RIC1: variants seen among roughly 807,000 people sequenced by gnomAD.
RIC1 encodes the protein guanine nucleotide exchange factor subunit RIC1.
RIC1 carries 88 observed loss-of-function variants against 169.0 expected under a neutral mutation model. That is an observed-to-expected ratio of 0.52 (90% CI 0.44 to 0.62). RIC1 has a LOEUF of 0.62. Ranked by LOEUF, RIC1 falls within the 20% of genes least tolerant of loss-of-function variation. RIC1 has a pLI of 0.00. For missense variants in RIC1, 1,877 were observed against 1,725.5 expected (o/e 1.09, Z -1.56); for synonymous variants, 790 against 601.5 (o/e 1.31, Z -4.59).
chr9:5,740,150 C>T (rs183110864), intron 8 of RIC1, among the ~76,000 whole-genome samples: 1 of 152,302 alleles, frequency 6.6e-6, no homozygotes, highest in Non-Finnish European at 1.5e-5. Context: ...CCTTGATTCT[C>T]CACATATGGT....
chr9:5,663,739 G>A (rs933033962), intron 2 of RIC1, among the ~76,000 whole-genome samples: 11 of 152,090 alleles, frequency 7.2e-5, no homozygotes, highest in South Asian at 2.1e-4. Context: ...ACAGCATACC[G>A]CTGGGTCTTG....
chr9:5,676,201 G>GC (rs1235473576), intron 2 of RIC1, among the ~76,000 whole-genome samples: 1 of 152,166 alleles, frequency 6.6e-6, no homozygotes, highest in Non-Finnish European at 1.5e-5. Flanking sequence ...ACAGATGTGA[G>GC]CCACTGCACC....
chr9:5,734,437 T>A (rs1178058274), intron 7 of RIC1, among the ~76,000 whole-genome samples: 1 of 152,124 alleles, frequency 6.6e-6, no homozygotes, highest in Non-Finnish European at 1.5e-5. Flanking sequence ...AGATTCAGAT[T>A]TTGTATCTCT....
intron 1 of RIC1, among the ~76,000 whole-genome samples, chr9:5,632,753 G>A (rs567486476): frequency 4.6e-5 from 7 of 152,132 alleles, no homozygotes; most frequent in Non-Finnish European, 1.0e-4. Context: ...ATTGACGTAG[G>A]TGTAGTGTGA....
rs367808334 is a variant in RIC1 at position 5,746,017 on chromosome 9, A to G, written c.1182A>G (p.Val394=). The G allele has an allele frequency of 4.3e-6, 7 of 1,613,658 alleles. No homozygotes were observed. Among genetic ancestry groups the G allele is most frequent in the East Asian group, 4.5e-5 (2 of 44,860 alleles). Residue 394 remains valine (V), a synonymous_variant, in exon 11 of 26, where the codon GTA becomes GTG. Coordinates refer to ENST00000414202, the MANE Select transcript of RIC1 (RefSeq NM_020829.4). ...NTEIESDLRS[V]VKQPSILLFQ... is the part of the protein sequence containing the mutation. Reference sequence around the variant, plus strand: ...AAATTGAGTCTGACCTCAGGAGTGTAGTTAAACAGCCCAGCATCCTGTTAT... The same window carrying G: ...AAATTGAGTCTGACCTCAGGAGTGTGGTTAAACAGCCCAGCATCCTGTTAT...
intron 17 of RIC1, among the ~76,000 whole-genome samples, chr9:5,758,298 T>C (rs1826126236): frequency 6.6e-6 from 1 of 152,228 alleles, no homozygotes; most frequent in South Asian, 2.1e-4. Context: ...AAACTTCATG[T>C]CAACTGGGAA....
chr9:5,743,739 T>C lies in RIC1; in HGVS notation c.1095+2T>C. 1.9e-6 allele frequency: 3 copies of C among 1,602,002 alleles called. No homozygotes were observed. The highest frequency in any genetic ancestry group is 2.6e-6 in the Non-Finnish European group (3 of 1,172,318). On this transcript the variant is annotated splice_donor_variant, in intron 10 of 25. Transcript: ENST00000414202. LOFTEE classifies it high-confidence loss of function. Reference sequence around the variant, plus strand: ...GATCCCCTTAAGATCAACTCTATGGTAAGTACTTTCTATAAAAAATTGGCA... The same window carrying C: ...GATCCCCTTAAGATCAACTCTATGGCAAGTACTTTCTATAAAAAATTGGCA...
At chr9:5,728,067 A>G (rs569414781) in intron 6 of RIC1, among the ~76,000 whole-genome samples, 1 of 152,208 alleles carries the variant, frequency 6.6e-6, no homozygotes. Flanking sequence ...ACTCTCTTCA[A>G]AGCTGTTAGA....
intron 2 of RIC1, among the ~76,000 whole-genome samples, chr9:5,671,699 G>C (rs551583690): frequency 7.3e-4 from 111 of 152,312 alleles, no homozygotes; most frequent in African/African-American, 2.6e-3. Flanking sequence ...ATTCTGAGAA[G>C]ATAGAAGGAC....
intron 18 of RIC1, 72 bp downstream of exon 18, chr9:5,762,732 T>C (rs1826425273): frequency 1.3e-6 from 2 of 1,512,432 alleles, no homozygotes; most frequent in Non-Finnish European, 1.8e-6. Flanking sequence ...AATGAAACAA[T>C]TTAAGAGAAG....
At chr9:5,712,199 A>G (rs1037166379) in intron 3 of RIC1, among the ~76,000 whole-genome samples, 4 of 152,194 alleles carry the variant, frequency 2.6e-5, no homozygotes, top group Admixed American at 1.3e-4. Context: ...CCAACAATGT[A>G]AAAGTGTTCC....
At chr9:5,747,723 A>G (rs1825466353) in intron 12 of RIC1, among the ~76,000 whole-genome samples, 1 of 152,126 alleles carries the variant, frequency 6.6e-6, no homozygotes, top group Non-Finnish European at 1.5e-5. Flanking sequence ...TTTCAAGTCT[A>G]TTAATAATGT....
At chr9:5,722,710 G>A (rs950836116) in intron 6 of RIC1, among the ~76,000 whole-genome samples, 3 of 149,128 alleles carry the variant, frequency 2.0e-5, no homozygotes, top group South Asian at 2.1e-4. Flanking sequence ...TCCCCCCCTC[G>A]CCCCACCCCA....
At chr9:5,659,220 T>A (rs556294565) in intron 2 of RIC1, among the ~76,000 whole-genome samples, 2 of 152,178 alleles carry the variant, frequency 1.3e-5, no homozygotes, top group African/African-American at 4.8e-5. Flanking sequence ...GTATTTGGGG[T>A]TATTTCTGGA....
At chr9:5,727,689 C>A (rs1042513969) in intron 6 of RIC1, among the ~76,000 whole-genome samples, 1 of 152,146 alleles carries the variant, frequency 6.6e-6, no homozygotes, top group Non-Finnish European at 1.5e-5. Context: ...TGCCTTTAGT[C>A]TTTGATGATG....
At chr9:5,654,624 G>C (rs756807992) in intron 1 of RIC1, among the ~76,000 whole-genome samples, 10 of 151,858 alleles carry the variant, frequency 6.6e-5, no homozygotes, top group African/African-American at 1.2e-4. Flanking sequence ...ACTGCAACCT[G>C]TACCTCCCAG....
chr9:5,643,057 T>C (rs1818328009), intron 1 of RIC1, among the ~76,000 whole-genome samples: 1 of 152,012 alleles, frequency 6.6e-6, no homozygotes, highest in African/African-American at 2.4e-5. Context: ...CTCAGCACTT[T>C]TGGGGGCCTA....
intron 19 of RIC1, chr9:5,765,144 G>A (rs947777850): frequency 2.3e-5 from 7 of 298,172 alleles, no homozygotes; most frequent in East Asian, 6.0e-5. Flanking sequence ...ATGCCTATCT[G>A]CAGAGTCACT....
At chr9:5,646,887 C>T (rs1459765028) in intron 1 of RIC1, among the ~76,000 whole-genome samples, 2 of 152,012 alleles carry the variant, frequency 1.3e-5, no homozygotes, top group Non-Finnish European at 2.9e-5. Flanking sequence ...GTTTTCAAAT[C>T]CAAAGTCATG....
Sources: gnomAD v4.1 joint callset for allele counts (sites outside exome capture counted in the v4.1 genomes callset) on GRCh38, gnomAD v4.1.1 for gene constraint, MANE v1.5 for transcripts, NCBI Gene and HGNC (gene_info 2026-07-23, HGNC 2026-07-21) for gene names.